DSCAML1: variants seen among roughly 807,000 people sequenced by gnomAD.
The protein encoded by DSCAML1 is cell adhesion molecule DSCAML1.
In DSCAML1, 38 loss-of-function variants were observed where a neutral mutation model predicts 200.5. That is an observed-to-expected ratio of 0.19 (90% CI 0.15 to 0.25). The LOEUF is 0.25. Among genes scored for constraint, DSCAML1 ranks in the 10% least tolerant of loss-of-function variants. The pLI is 1.00. For missense variants in DSCAML1, 2,223 were observed against 2,858.8 expected (o/e 0.78, Z 5.07); for synonymous variants, 1,215 against 1,165.0 (o/e 1.04, Z -0.87).
chr11:117,627,364 C>G (rs1287961366), intron 3 of DSCAML1, among the ~76,000 whole-genome samples: 2 of 152,166 alleles, frequency 1.3e-5, no homozygotes, highest in African/African-American at 4.8e-5. Flanking sequence ...TTTCATTCGC[C>G]CTGCCCTGTT....
intron 3 of DSCAML1, among the ~76,000 whole-genome samples, chr11:117,646,647 C>G (rs1458690551): frequency 6.6e-6 from 1 of 152,178 alleles, no homozygotes; most frequent in Non-Finnish European, 1.5e-5. Flanking sequence ...TCTTCCCAAT[C>G]CCATGGTTAG....
chr11:117,777,334 T>C lies in DSCAML1; in HGVS notation c.365-397A>G, dbSNP rs182129969. Among the ~76,000 whole-genome samples the C allele has an allele frequency of 1.9e-4, 29 of 152,328 alleles. No homozygotes were observed. The East Asian group carries it at 5.6e-3, about 29-fold the overall frequency. On this transcript the variant is annotated intron_variant, in intron 2 of 32. Coordinates refer to ENST00000651296, the MANE Select transcript of DSCAML1 (RefSeq NM_020693.4). ...GGGATGTGCAGGTAATAAGGAAATA[T>C]GCTAGAATTCCCCTAAGAAAACCAA...
chr11:117,636,437 A>G (rs2052285039), intron 3 of DSCAML1, among the ~76,000 whole-genome samples: 1 of 152,198 alleles, frequency 6.6e-6, no homozygotes. Flanking sequence ...AACAAGACGT[A>G]TATTCCTTAG....
At chr11:117,797,320 C>A (rs938245224), upstream of DSCAML1, 12 of 1,291,314 alleles carry the variant, frequency 9.3e-6, no homozygotes, top group Non-Finnish European at 1.2e-5. Flanking sequence ...GGGTGGTGAG[C>A]GCCGCGCGAG....
intron 1 of DSCAML1, among the ~76,000 whole-genome samples, chr11:117,795,451 G>A (rs886280976): frequency 2.0e-5 from 3 of 152,148 alleles, no homozygotes; most frequent in Non-Finnish European, 4.4e-5. Flanking sequence ...GGGAGACTGG[G>A]GTTCGGGGGT....
chr11:117,655,101 GC>G (rs1320779631), intron 3 of DSCAML1, among the ~76,000 whole-genome samples: 1 of 152,206 alleles, frequency 6.6e-6, no homozygotes, highest in African/African-American at 2.4e-5. Flanking sequence ...CCTTGCAGCC[GC>G]CCCTGGGCAT....
intron 8 of DSCAML1, among the ~76,000 whole-genome samples, chr11:117,511,158 TA>T (rs1449146116): frequency 6.6e-6 from 1 of 152,032 alleles, no homozygotes; most frequent in Non-Finnish European, 1.5e-5. Context: ...ATTGAACAGC[TA>T]GGGAAAAATT....
At chr11:117,587,943 GGATTT>G (rs1168489183) in intron 3 of DSCAML1, among the ~76,000 whole-genome samples, 1 of 152,072 alleles carries the variant, frequency 6.6e-6, no homozygotes. Flanking sequence ...TAACATCCAG[GGATTT>G]GGTGATGCCA....
At chr11:117,759,001 A>G (rs1302042621) in intron 3 of DSCAML1, among the ~76,000 whole-genome samples, 2 of 152,158 alleles carry the variant, frequency 1.3e-5, no homozygotes, top group African/African-American at 2.4e-5. Context: ...TCTTGCAAAC[A>G]CACACGCTGA....
At chr11:117,521,602 G>C (rs1224527461) in intron 5 of DSCAML1, among the ~76,000 whole-genome samples, 197 bp from the exon 6 acceptor site, 2 of 152,120 alleles carry the variant, frequency 1.3e-5, no homozygotes, top group Non-Finnish European at 2.9e-5. Flanking sequence ...GAAATGGCAG[G>C]CTCAGACTGA....
chr11:117,601,460 A>G (rs1477522616), intron 3 of DSCAML1, among the ~76,000 whole-genome samples: 2 of 152,178 alleles, frequency 1.3e-5, no homozygotes, highest in African/African-American at 4.8e-5. Flanking sequence ...ACATTTAGTG[A>G]GAATAGGTGG....
At chr11:117,490,508 C>A (rs1176104200) in intron 11 of DSCAML1, among the ~76,000 whole-genome samples, 1 of 152,178 alleles carries the variant, frequency 6.6e-6, no homozygotes, top group Non-Finnish European at 1.5e-5. Context: ...ACTTAGCACC[C>A]CCAGATCCCC....
chr11:117,626,868 C>T (rs2052057313), intron 3 of DSCAML1, among the ~76,000 whole-genome samples: 1 of 152,118 alleles, frequency 6.6e-6, no homozygotes, highest in South Asian at 2.1e-4. Flanking sequence ...AAATCTCATC[C>T]TATGCTCCAC....
chr11:117,586,546 A>C (rs1344340159), intron 3 of DSCAML1, among the ~76,000 whole-genome samples: 1 of 152,162 alleles, frequency 6.6e-6, no homozygotes, highest in African/African-American at 2.4e-5. Context: ...CTCTGTTCTC[A>C]GTTCTCAAGT....
At chr11:117,790,612 CAT>C (rs1182877044) in intron 1 of DSCAML1, among the ~76,000 whole-genome samples, 1 of 152,220 alleles carries the variant, frequency 6.6e-6, no homozygotes, top group Non-Finnish European at 1.5e-5. Context: ...GTGGTTTTTA[CAT>C]GTGTGTGTTC....
intron 3 of DSCAML1, among the ~76,000 whole-genome samples, chr11:117,640,606 T>G (rs568620466): frequency 6.6e-6 from 1 of 152,134 alleles, no homozygotes; most frequent in Admixed American, 6.5e-5. Context: ...GAAAATCCCA[T>G]TGATTCTTTC....
chr11:117,448,259 G>C (rs1454988058), intron 20 of DSCAML1, among the ~76,000 whole-genome samples: 6 of 152,226 alleles, frequency 3.9e-5, no homozygotes, highest in African/African-American at 1.4e-4. Flanking sequence ...GTCCAGGCTA[G>C]AGAATGACTA....
chr11:117,551,527 T>C (rs1489805916), intron 3 of DSCAML1, among the ~76,000 whole-genome samples: 1 of 152,114 alleles, frequency 6.6e-6, no homozygotes, highest in Admixed American at 6.5e-5. Flanking sequence ...CTTAGAGTCT[T>C]CTGAGGGACG....
chr11:117,742,067 C>T (rs1009551666), intron 3 of DSCAML1, among the ~76,000 whole-genome samples: 9 of 152,164 alleles, frequency 5.9e-5, no homozygotes, highest in Admixed American at 2.6e-4. Context: ...GGTCTTTGGA[C>T]GATGGCTGGC....
Sources: gnomAD v4.1 joint callset for allele counts (sites outside exome capture counted in the v4.1 genomes callset) on GRCh38, gnomAD v4.1.1 for gene constraint, MANE v1.5 for transcripts, NCBI Gene and HGNC (gene_info 2026-07-23, HGNC 2026-07-21) for gene names.